Variants in SPATA22 observed in about 807,000 individuals in gnomAD.
SPATA22 encodes spermatogenesis associated 22.
Under a neutral mutation model 47.8 loss-of-function variants are expected in SPATA22, and 29 were observed. The ratio of observed to expected loss-of-function variants is 0.61; its 90% CI spans 0.45 to 0.83. The LOEUF (loss-of-function observed/expected upper bound fraction) is 0.83, where lower values mean the gene tolerates loss of function less well. Ranked by LOEUF, SPATA22 falls within the 40% of genes least tolerant of loss-of-function variation. SPATA22 has a pLI of 0.00. For synonymous variants in SPATA22, 133 were observed against 140.9 expected, an observed-to-expected ratio of 0.94 and a Z score of 0.40; for missense variants, 410 against 421.7, an observed-to-expected ratio of 0.97 and a Z score of 0.24.
intron 1 of SPATA22, among the ~76,000 whole-genome samples, chr17:3,480,195 T>C (rs1368964537): frequency 6.6e-6 from 1 of 152,214 alleles, no homozygotes; most frequent in Non-Finnish European, 1.5e-5. Flanking sequence ...AAGACTTCTG[T>C]AACCACCCAG....
chr17:3,463,146 CAGAGAT>C (rs1360014408), intron 3 of SPATA22, among the ~76,000 whole-genome samples: 2 of 152,068 alleles, frequency 1.3e-5, no homozygotes, highest in Non-Finnish European at 2.9e-5. Context: ...ATGTGTGAGA[CAGAGAT>C]AGAGAGGAGA....
chr17:3,456,351 A>G (rs2072997678), intron 5 of SPATA22, among the ~76,000 whole-genome samples: 1 of 149,902 alleles, frequency 6.7e-6, no homozygotes, highest in African/African-American at 2.5e-5. Context: ...CGCAATAAAA[A>G]ATGATAAAGG....
intron 1 of SPATA22, among the ~76,000 whole-genome samples, chr17:3,509,627 T>A (rs2074085678): frequency 6.6e-6 from 1 of 152,180 alleles, no homozygotes; most frequent in Admixed American, 6.6e-5. Flanking sequence ...AATAAACATA[T>A]ATGTGCATGT....
chr17:3,476,157 G>A (rs2073518621), upstream of SPATA22: 2 of 1,612,552 alleles, frequency 1.2e-6, no homozygotes, highest in Admixed American at 3.3e-5. Flanking sequence ...ACTACTTGGT[G>A]AAATGACTTC....
intron 1 of SPATA22, among the ~76,000 whole-genome samples, chr17:3,480,552 T>C (rs1240264350): frequency 1.3e-5 from 2 of 152,180 alleles, no homozygotes; most frequent in Admixed American, 1.3e-4. Flanking sequence ...GTTTACAAAA[T>C]ATCTCAAGCC....
intron 1 of SPATA22, among the ~76,000 whole-genome samples, chr17:3,471,071 C>T (rs1005813268): frequency 6.6e-6 from 1 of 151,754 alleles, no homozygotes; most frequent in Non-Finnish European, 1.5e-5. Context: ...AGGAGAATCA[C>T]TTGAACCCGG....
intron 1 of SPATA22, chr17:3,499,143 A>T: frequency 6.4e-7 from 1 of 1,562,542 alleles, no homozygotes. Context: ...GCTAGTCTGT[A>T]AGCTCCTTAA....
chr17:3,494,285 T>A (rs556571168), intron 1 of SPATA22: 7 of 1,271,580 alleles, frequency 5.5e-6, no homozygotes, highest in Middle Eastern at 1.9e-4. Flanking sequence ...ATGACAGGCA[T>A]GAGCCACCAC....
At chr17:3,463,152 TAGAG>T (rs1467360022) in intron 3 of SPATA22, among the ~76,000 whole-genome samples, 2 of 152,100 alleles carry the variant, frequency 1.3e-5, no homozygotes, top group African/African-American at 4.8e-5. Flanking sequence ...GAGACAGAGA[TAGAG>T]AGGAGAAAAA....
chr17:3,453,509 A>C (rs2072911234), intron 5 of SPATA22, among the ~76,000 whole-genome samples: 1 of 152,178 alleles, frequency 6.6e-6, no homozygotes, highest in Admixed American at 6.6e-5. Flanking sequence ...CAACACAATA[A>C]AGGTCATTTG....
intron 1 of SPATA22, among the ~76,000 whole-genome samples, chr17:3,497,421 G>A (rs867294465): frequency 3.3e-5 from 5 of 152,176 alleles, no homozygotes; most frequent in African/African-American, 4.8e-5. Context: ...AAAGAAGCAC[G>A]TATCCTGATG....
chr17:3,473,579 A>T (rs1412061826), upstream of SPATA22, among the ~76,000 whole-genome samples: 1 of 151,954 alleles, frequency 6.6e-6, no homozygotes, highest in African/African-American at 2.4e-5. Context: ...GCTCACTGCA[A>T]CCTCCGCCTT....
intron 1 of SPATA22, among the ~76,000 whole-genome samples, chr17:3,477,960 A>G (rs2073556737): frequency 6.6e-6 from 1 of 151,798 alleles, no homozygotes; most frequent in Non-Finnish European, 1.5e-5. Flanking sequence ...AGGCAGGCAG[A>G]TCATGAGGTC....
intron 6 of SPATA22, among the ~76,000 whole-genome samples, chr17:3,447,304 T>C (rs1363003829): frequency 7.9e-5 from 12 of 152,138 alleles, no homozygotes; most frequent in Admixed American, 7.9e-4. Context: ...ATACAGTGTG[T>C]TAAAATACTA....
chr17:3,478,303 C>T (rs1052304583), intron 1 of SPATA22, among the ~76,000 whole-genome samples: 1 of 152,168 alleles, frequency 6.6e-6, no homozygotes, highest in Non-Finnish European at 1.5e-5. Flanking sequence ...TTAGTCTCAA[C>T]ACAGATCAAA....
rs140797292 is a variant in SPATA22 at position 3,470,133 on chromosome 17, A to T, written c.-73-735T>A. On this transcript the variant is annotated intron_variant, in intron 1 of 8. Transcript: ENST00000572969. ...AAAAAAAAGACTAAGTCCTCCCTTC[A>T]TATCTAGAATAATTGTAATGACAAG... Among the ~76,000 whole-genome samples the T allele has an allele frequency of 2.6e-3, 376 of 144,464 alleles. 1 individual carries two copies. The highest frequency in any genetic ancestry group is 9.1e-3 in the African/African-American group (357 of 39,354). The allele number at this position is 144,464 out of a possible 152,430, so 94.8% of individuals were successfully genotyped here.
chr17:3,498,237 G>A (rs2073939903), intron 1 of SPATA22, among the ~76,000 whole-genome samples: 1 of 152,182 alleles, frequency 6.6e-6, no homozygotes, highest in South Asian at 2.1e-4. Context: ...TTTAACTTGA[G>A]CTGGCAACAG....
intron 1 of SPATA22, among the ~76,000 whole-genome samples, chr17:3,469,872 C>A (rs760688628): frequency 1.3e-5 from 2 of 152,134 alleles, no homozygotes; most frequent in South Asian, 4.1e-4. Flanking sequence ...AAGACTAAGT[C>A]TTCCTGAGGT....
chr17:3,503,091 CCT>C (rs1049419298), intron 1 of SPATA22: 1 of 152,218 alleles, frequency 6.6e-6, no homozygotes, highest in African/African-American at 2.4e-5. Flanking sequence ...TCCCCGCCAT[CCT>C]CTTAGGCCAC....
Sources: allele counts gnomAD v4.1 joint callset (sites outside exome capture counted in the v4.1 genomes callset), GRCh38; gene constraint gnomAD v4.1.1; transcripts MANE v1.5; gene names NCBI Gene and HGNC (gene_info 2026-07-23, HGNC 2026-07-21).